The following HNRNPC variants were observed in gnomAD, a reference collection of about 807,000 sequenced individuals.
The protein encoded by HNRNPC is heterogeneous nuclear ribonucleoprotein C, also known as heterogeneous nuclear ribonucleoproteins C1/C2.
Under a neutral mutation model 33.2 loss-of-function variants are expected in HNRNPC, and 3 were observed. The ratio of observed to expected loss-of-function variants is 0.09; its 90% CI spans 0.04 to 0.23. The LOEUF (loss-of-function observed/expected upper bound fraction) is 0.23, where lower values mean the gene tolerates loss of function less well. Ranked by LOEUF, HNRNPC falls within the 10% of genes least tolerant of loss-of-function variation. The probability of loss-of-function intolerance (pLI) is 1.00; values close to 1 mark genes in which losing one functional copy is unlikely to be tolerated. For synonymous variants in HNRNPC, 121 were observed against 126.7 expected (o/e 0.96, Z 0.30); for missense variants, 143 against 366.7 (o/e 0.39, Z 4.98).
intron 2 of HNRNPC, among the ~76,000 whole-genome samples, chr14:21,258,455 T>C (rs1235763802): frequency 6.6e-6 from 1 of 151,984 alleles, no homozygotes; most frequent in Non-Finnish European, 1.5e-5. Flanking sequence ...AGTGTTGAAA[T>C]CTGCACCCTT....
At chr14:21,267,509 AACC>A (rs1407264604) in intron 1 of HNRNPC, among the ~76,000 whole-genome samples, 5 of 152,132 alleles carry the variant, frequency 3.3e-5, no homozygotes, top group Admixed American at 6.6e-5. Flanking sequence ...AAGGAACATC[AACC>A]ACCAAGTATT....
Position 21,211,603 on chromosome 14 carries a change from A to T in HNRNPC, c.638-37T>A, listed in dbSNP as rs149460563. 6.4e-3 allele frequency: 10,076 copies of T among 1,582,476 alleles called. 61 individuals carry two copies. Among genetic ancestry groups the T allele is most frequent in the Non-Finnish European group, 7.4e-3 (8,601 of 1,162,354 alleles). ...AAGGACAAGTCTGTCTAGGGGCAGT[A>T]ATGTCCACAGGACGTAGACAATCCC... is the stretch of plus-strand genomic sequence containing the variant. On this transcript the variant is annotated intron_variant, in intron 7 of 8. Coordinates refer to ENST00000553300, the MANE Select transcript of HNRNPC (RefSeq NM_004500.4).
intron 5 of HNRNPC, 70 bp from the exon 6 acceptor site, chr14:21,213,187 T>C (rs900942241): frequency 1.0e-5 from 15 of 1,438,258 alleles, no homozygotes; most frequent in African/African-American, 1.4e-5. Flanking sequence ...ACAGACCTTA[T>C]GATAAATAGT....
chr14:21,264,630 G>A (rs1207969255), intron 1 of HNRNPC: 1 of 152,118 alleles, frequency 6.6e-6, no homozygotes, highest in East Asian at 1.9e-4. Flanking sequence ...GCTAAAATAG[G>A]AACTGCAATT....
intron 3 of HNRNPC, chr14:21,231,457 G>C (rs1237495515): frequency 4.4e-6 from 2 of 453,550 alleles, no homozygotes; most frequent in East Asian, 1.4e-4. Flanking sequence ...CCGAAGCTCA[G>C]GTGATCCTCC....
At chr14:21,248,930 G>GAATA (rs1896304597) in intron 2 of HNRNPC, among the ~76,000 whole-genome samples, 1 of 152,068 alleles carries the variant, frequency 6.6e-6, no homozygotes, top group African/African-American at 2.4e-5. Flanking sequence ...GCCTGACAAT[G>GAATA]AGTACAAATT....
intron 2 of HNRNPC, among the ~76,000 whole-genome samples, chr14:21,241,706 G>C (rs1895364616): frequency 6.6e-6 from 1 of 152,170 alleles, no homozygotes; most frequent in Non-Finnish European, 1.5e-5. Context: ...GGCCTCTTCA[G>C]AGGCCAACAA....
At chr14:21,231,367 A>G in intron 3 of HNRNPC, 1 of 502,824 alleles carries the variant, frequency 2.0e-6, no homozygotes, top group Non-Finnish European at 3.9e-6. Context: ...AAAACAACTC[A>G]TCTTTCCTTA....
intron 5 of HNRNPC, among the ~76,000 whole-genome samples, chr14:21,224,597 C>T (rs1375228193): frequency 6.6e-6 from 1 of 152,180 alleles, no homozygotes; most frequent in African/African-American, 2.4e-5. Context: ...TCCCAACCTC[C>T]TCTCCATTCC....
chr14:21,236,109 C>T (rs1894668005), intron 2 of HNRNPC, among the ~76,000 whole-genome samples: 1 of 152,048 alleles, frequency 6.6e-6, no homozygotes, highest in African/African-American at 2.4e-5. Context: ...AATCAAGATG[C>T]AAGGAATTCA....
At chr14:21,223,796 A>G (rs949635354) in intron 5 of HNRNPC, among the ~76,000 whole-genome samples, 1 of 152,096 alleles carries the variant, frequency 6.6e-6, no homozygotes, top group Non-Finnish European at 1.5e-5. Context: ...TTGTTCCAAA[A>G]GTGTATACTA....
chr14:21,246,591 A>G (rs935250923), intron 2 of HNRNPC, among the ~76,000 whole-genome samples: 6 of 151,178 alleles, frequency 4.0e-5, no homozygotes, highest in Admixed American at 2.0e-4. Flanking sequence ...AAGTCGTCTT[A>G]TAACAAATAA....
chr14:21,220,762 A>G (rs759008532), intron 5 of HNRNPC, among the ~76,000 whole-genome samples: 3 of 152,132 alleles, frequency 2.0e-5, no homozygotes, highest in Admixed American at 6.6e-5. Context: ...GGACTTCCCA[A>G]TGAAAATCGA....
intron 1 of HNRNPC, among the ~76,000 whole-genome samples, chr14:21,267,065 A>T (rs371859274): frequency 9.3e-6 from 1 of 107,628 alleles, no homozygotes; most frequent in African/African-American, 3.5e-5. Flanking sequence ...CATGCACTCC[A>T]GCCTAGGGCG....
intron 5 of HNRNPC, among the ~76,000 whole-genome samples, chr14:21,228,129 G>C (rs1893686151): frequency 1.3e-5 from 2 of 152,314 alleles, no homozygotes; most frequent in Non-Finnish European, 2.9e-5. Flanking sequence ...ACCATGTGCA[G>C]AAAGGGTTAA....
intron 2 of HNRNPC, among the ~76,000 whole-genome samples, chr14:21,248,117 T>C (rs1468187459): frequency 6.6e-6 from 1 of 152,144 alleles, no homozygotes; most frequent in Non-Finnish European, 1.5e-5. Flanking sequence ...GGTGGGAGAT[T>C]GCTTGAGCCC....
At chr14:21,238,917 A>C (rs144077176) in intron 2 of HNRNPC, among the ~76,000 whole-genome samples, 1 of 152,252 alleles carries the variant, frequency 6.6e-6, no homozygotes, top group Non-Finnish European at 1.5e-5. Flanking sequence ...ACATCAGGTC[A>C]GGAGTTCAAG....
chr14:21,254,429 C>T (rs1876771842), intron 2 of HNRNPC: 1 of 151,970 alleles, frequency 6.6e-6, no homozygotes, highest in African/African-American at 2.4e-5. Flanking sequence ...TTTATATAAG[C>T]CCCAAAAAGC....
chr14:21,254,767 G>A (rs746432171), intron 2 of HNRNPC, among the ~76,000 whole-genome samples: 16 of 152,204 alleles, frequency 1.1e-4, no homozygotes, highest in African/African-American at 2.4e-4. Flanking sequence ...TTAGCCAGGC[G>A]TGGTGGCAGG....
Sources: allele counts gnomAD v4.1 joint callset (sites outside exome capture counted in the v4.1 genomes callset), GRCh38; gene constraint gnomAD v4.1.1; transcripts MANE v1.5; gene names NCBI Gene and HGNC (gene_info 2026-07-23, HGNC 2026-07-21).